The following SIK3 variants were observed in gnomAD, a reference collection of about 807,000 sequenced individuals.
SIK3 encodes the protein serine/threonine-protein kinase SIK3.
Under a neutral mutation model 144.2 loss-of-function variants are expected in SIK3, and 28 were observed. The observed-to-expected ratio is 0.19, with a 90% confidence interval of 0.14 to 0.27. SIK3 has a LOEUF of 0.27. Ranked by LOEUF, SIK3 falls within the 10% of genes least tolerant of loss-of-function variation. SIK3 has a pLI of 1.00. For missense variants in SIK3, 1,319 were observed against 1,776.0 expected (o/e 0.74, Z 4.62); for synonymous variants, 686 against 676.3 (o/e 1.01, Z -0.22).
intron 1 of SIK3, among the ~76,000 whole-genome samples, chr11:116,982,407 G>A (rs3863304): frequency 0.46 from 68,680 of 150,786 alleles, 18,919 homozygotes; most frequent in Non-Finnish European, 0.64. Context: ...TCCTGCCTCA[G>A]CCTCCCGAGT....
At chr11:116,860,100 C>G (rs963882472) in intron 19 of SIK3, among the ~76,000 whole-genome samples, 12 of 152,130 alleles carry the variant, frequency 7.9e-5, no homozygotes, top group Non-Finnish European at 1.6e-4. Flanking sequence ...CAAAAATTAG[C>G]TGGGTGTGGT....
chr11:117,025,706 A>T (rs1270355566), intron 1 of SIK3, among the ~76,000 whole-genome samples: 1 of 152,202 alleles, frequency 6.6e-6, no homozygotes, highest in Non-Finnish European at 1.5e-5. Context: ...TGCTGGGATT[A>T]CAGATGTGAT....
intron 7 of SIK3, 133 bp from the exon 8 acceptor site, chr11:116,876,496 A>G (rs1440673561): frequency 6.9e-6 from 5 of 728,924 alleles, no homozygotes; most frequent in Non-Finnish European, 1.2e-5. Context: ...AGTCTAAGGA[A>G]GAGAGCCCTG....
chr11:117,024,466 T>C (rs1951928204), intron 1 of SIK3, among the ~76,000 whole-genome samples: 1 of 152,136 alleles, frequency 6.6e-6, no homozygotes, highest in African/African-American at 2.4e-5. Context: ...TCTTGGAAGA[T>C]AAACAGGGCT....
intron 6 of SIK3, among the ~76,000 whole-genome samples, chr11:116,893,328 C>T (rs1945229792): frequency 6.6e-6 from 1 of 152,048 alleles, no homozygotes; most frequent in South Asian, 2.1e-4. Context: ...AGGGTACATG[C>T]AAACTGTGTA....
intron 1 of SIK3, among the ~76,000 whole-genome samples, chr11:117,027,911 T>C (rs924069800): frequency 6.6e-6 from 1 of 152,260 alleles, no homozygotes; most frequent in Non-Finnish European, 1.5e-5. Context: ...TTGTAATTGA[T>C]GAGTACGTCT....
At chr11:116,912,008 A>G (rs1463938765) in intron 4 of SIK3, among the ~76,000 whole-genome samples, 1 of 152,206 alleles carries the variant, frequency 6.6e-6, no homozygotes, top group Non-Finnish European at 1.5e-5. Flanking sequence ...AGTGGAGCGA[A>G]GTTGGTCTCT....
At chr11:116,941,408 TA>T (rs11339061) in intron 3 of SIK3, among the ~76,000 whole-genome samples, 105,091 of 142,636 alleles carry the variant, frequency 0.74, 38,975 homozygotes, top group Non-Finnish European at 0.81. Flanking sequence ...TAAAAACATG[TA>T]AAAAAAAAAA....
chr11:116,853,224 T>C (rs952956341), intron 21 of SIK3, among the ~76,000 whole-genome samples: 1 of 152,192 alleles, frequency 6.6e-6, no homozygotes, highest in Non-Finnish European at 1.5e-5. Flanking sequence ...ATGCTGACCC[T>C]GAGTCTAGAA....
intron 4 of SIK3, among the ~76,000 whole-genome samples, chr11:116,912,209 G>T (rs553356287): frequency 2.0e-5 from 3 of 152,288 alleles, no homozygotes; most frequent in African/African-American, 7.2e-5. Context: ...TTCTAGGAAG[G>T]CTTAAATACC....
At position 116,955,160 on chromosome 11, in the gene SIK3, G is replaced by A. The variant is rs1949091941; in HGVS notation, c.391-1053C>T. ...CGCCTGTAATCCCAGCACTTTGGGA[G>A]GCCGAGGTGGGTGGATCACTTGAGA... On this transcript the variant is annotated intron_variant, in intron 2 of 24. Coordinates refer to ENST00000445177, the MANE Select transcript of SIK3 (RefSeq NM_001366686.3). Among the ~76,000 whole-genome samples the A allele has an allele frequency of 2.0e-5, 3 of 152,176 alleles. No individual in the cohort carries two copies. In the South Asian group the frequency reaches 6.2e-4, roughly 31 times the overall value.
chr11:116,976,643 T>G (rs558814905), intron 1 of SIK3, among the ~76,000 whole-genome samples: 4 of 152,346 alleles, frequency 2.6e-5, no homozygotes, highest in Middle Eastern at 3.4e-3. Context: ...ATATTGATAG[T>G]TATCTTCCTC....
At chr11:116,888,189 C>T (rs375157526) in intron 6 of SIK3, among the ~76,000 whole-genome samples, 2 of 152,346 alleles carry the variant, frequency 1.3e-5, no homozygotes, top group African/African-American at 4.8e-5. Flanking sequence ...ACCAGCTCTG[C>T]TGGAGTTTCT....
chr11:116,857,673 CT>C, intron 21 of SIK3, 136 bp downstream of exon 21: 1 of 1,416,280 alleles, frequency 7.1e-7, no homozygotes, highest in Non-Finnish European at 9.3e-7. Flanking sequence ...CTACATGCTT[CT>C]CCCCAAGAAG....
chr11:116,961,284 A>T (rs1269474554), intron 1 of SIK3, among the ~76,000 whole-genome samples: 2 of 152,194 alleles, frequency 1.3e-5, no homozygotes, highest in African/African-American at 4.8e-5. Context: ...TAACAGGGAA[A>T]GGAACTCAGC....
intron 1 of SIK3, among the ~76,000 whole-genome samples, chr11:116,973,349 G>C (rs944510785): frequency 6.6e-6 from 1 of 152,166 alleles, no homozygotes; most frequent in Non-Finnish European, 1.5e-5. Context: ...TTATAGTACA[G>C]AACTGTAGCA....
At chr11:117,079,941 T>C (rs893471501) in intron 1 of SIK3, among the ~76,000 whole-genome samples, 2 of 151,946 alleles carry the variant, frequency 1.3e-5, no homozygotes, top group African/African-American at 2.4e-5. Context: ...GGCTGAGACA[T>C]GAGAACCATT....
intron 1 of SIK3, chr11:117,035,704 G>A (rs1952465138): frequency 2.3e-6 from 2 of 864,766 alleles, no homozygotes; most frequent in East Asian, 2.6e-5. Flanking sequence ...ACAGGTGCAT[G>A]CCACCATGCC....
In SIK3 at chr11:116,992,161, TA is replaced by T. The variant is rs548563694; in HGVS notation, c.274-35098del. Among the ~76,000 whole-genome samples the T allele has an allele frequency of 3.6e-3, 542 of 151,982 alleles. 7 individuals carry two copies. Among genetic ancestry groups the T allele is most frequent in the African/African-American group, 0.013 (523 of 41,426 alleles). On this transcript the variant is annotated intron_variant, in intron 1 of 24. Coordinates refer to ENST00000445177, the MANE Select transcript of SIK3 (RefSeq NM_001366686.3). ...CAACATGGTGAAACCTCATTTTTACTAAAAATACAAAAAATTAGCCAGGCGT... is the reference window on the plus strand; with the variant it reads ...CAACATGGTGAAACCTCATTTTTACTAAAATACAAAAAATTAGCCAGGCGT...
Sources: allele counts gnomAD v4.1 joint callset (sites outside exome capture counted in the v4.1 genomes callset), GRCh38; gene constraint gnomAD v4.1.1; transcripts MANE v1.5; gene names NCBI Gene and HGNC (gene_info 2026-07-23, HGNC 2026-07-21).